VPS13D: variants seen among roughly 807,000 people sequenced by gnomAD.
The protein encoded by VPS13D is vacuolar protein sorting 13 homolog D, also known as intermembrane lipid transfer protein VPS13D.
In VPS13D, 187 loss-of-function variants were observed where a neutral mutation model predicts 461.9. That is an observed-to-expected ratio of 0.40 (90% confidence interval 0.36 to 0.46). The LOEUF is 0.46. Ranked by LOEUF, VPS13D falls within the 20% of genes least tolerant of loss-of-function variation. The pLI is 0.60. For missense variants in VPS13D, 4,711 were observed against 5,364.9 expected (o/e 0.88, Z 3.81); for synonymous variants, 1,951 against 1,986.3 (o/e 0.98, Z 0.47).
intron 65 of VPS13D, among the ~76,000 whole-genome samples, chr1:12,442,309 TTATTA>T (rs1645140946): frequency 6.6e-6 from 1 of 152,226 alleles, no homozygotes; most frequent in Admixed American, 6.5e-5. Flanking sequence ...GTCTTTGAAT[TTATTA>T]TATATTTTAT....
chr1:12,385,200 A>G, intron 58 of VPS13D, 60 bp from the exon 59 acceptor site: 2 of 1,373,700 alleles, frequency 1.5e-6, no homozygotes, highest in South Asian at 2.4e-5. Flanking sequence ...GTTCTGGGTT[A>G]GAATAGGTTT....
chr1:12,444,294 CT>C (rs1288644130), intron 65 of VPS13D, among the ~76,000 whole-genome samples: 3 of 151,828 alleles, frequency 2.0e-5, no homozygotes, highest in Non-Finnish European at 4.4e-5. Flanking sequence ...GTAATGTGTC[CT>C]TTTTTTTCTT....
intron 60 of VPS13D, among the ~76,000 whole-genome samples, chr1:12,393,827 G>T (rs904084760): frequency 2.6e-5 from 4 of 152,146 alleles, no homozygotes; most frequent in African/African-American, 9.7e-5. Flanking sequence ...TGCCAATTAT[G>T]CATTCTGGCA....
intron 57 of VPS13D, among the ~76,000 whole-genome samples, chr1:12,380,401 T>C (rs962970189): frequency 2.2e-4 from 33 of 152,252 alleles, no homozygotes; most frequent in African/African-American, 7.2e-4. Flanking sequence ...CTCTTGATTC[T>C]GTTCATTTTG....
chr1:12,382,839 T>C (rs1475114802), intron 57 of VPS13D, 137 bp from the exon 58 acceptor site: 1 of 722,550 alleles, frequency 1.4e-6, no homozygotes, highest in Non-Finnish European at 2.3e-6. Flanking sequence ...GAACAAATAG[T>C]AAAGGCTTTG....
intron 67 of VPS13D, among the ~76,000 whole-genome samples, chr1:12,493,460 G>A (rs1191051446): frequency 6.7e-6 from 1 of 149,144 alleles, no homozygotes; most frequent in Non-Finnish European, 1.5e-5. Context: ...TCCAGCCTGG[G>A]TGACAGAGCG....
In VPS13D at chr1:12,416,781, G is replaced by T; in HGVS notation, c.12287G>T (p.Gly4096Val). 6.2e-7 allele frequency: 1 copy of T among 1,613,794 alleles called. No homozygotes were observed. The highest frequency in any genetic ancestry group is 8.5e-7 in the Non-Finnish European group (1 of 1,179,916). Residue 4096 changes from glycine (G) to valine (V), a missense_variant, in exon 65 of 70, where the codon GGC (glycine) becomes GTC (valine). Gly to Val is a moderately radical substitution (Grantham distance 109, BLOSUM62 -3). Coordinates refer to ENST00000620676, the MANE Select transcript of VPS13D (RefSeq NM_015378.4). ...CTGATAAAATATGGAAATGTCGGGG[G>T]CCTCATCAGAAATGTTACACACGGA... ...TGLIKYGNVGGLIRNVTHGVS... is the reference protein window; with the variant it reads ...TGLIKYGNVGVLIRNVTHGVS...
chr1:12,258,615 C>T (rs1046345586), intron 10 of VPS13D, among the ~76,000 whole-genome samples: 6 of 152,224 alleles, frequency 3.9e-5, no homozygotes, highest in Non-Finnish European at 8.8e-5. Context: ...AATGCCCCCT[C>T]CTGGAGCCCT....
intron 60 of VPS13D, among the ~76,000 whole-genome samples, chr1:12,395,708 G>A (rs895027905): frequency 2.0e-5 from 3 of 151,914 alleles, no homozygotes; most frequent in African/African-American, 4.8e-5. Flanking sequence ...TATGTATAGA[G>A]TCACTAAAAT....
intron 27 of VPS13D, 35 bp downstream of exon 27, chr1:12,308,676 C>A (rs371641052): frequency 3.8e-6 from 6 of 1,594,354 alleles, no homozygotes; most frequent in Admixed American, 1.7e-5. Flanking sequence ...GATGGAGTCT[C>A]GCTCTGTTCA....
At chr1:12,477,040 G>A (rs1380416358) in intron 67 of VPS13D, among the ~76,000 whole-genome samples, 1 of 152,230 alleles carries the variant, frequency 6.6e-6, no homozygotes, top group Non-Finnish European at 1.5e-5. Context: ...AAAGAAGTCT[G>A]CTTCTGCCCG....
At chr1:12,504,295 A>G (rs916913483) in intron 68 of VPS13D, among the ~76,000 whole-genome samples, 7 of 152,196 alleles carry the variant, frequency 4.6e-5, no homozygotes, top group African/African-American at 1.7e-4. Flanking sequence ...GCCCAGTTCC[A>G]GCTGTGGCCT....
intron 65 of VPS13D, among the ~76,000 whole-genome samples, chr1:12,443,806 T>G (rs1018480938): frequency 3.3e-5 from 5 of 152,122 alleles, no homozygotes; most frequent in African/African-American, 9.7e-5. Context: ...AAGAACTTCC[T>G]TTTGTGGCTC....
chr1:12,405,534 C>G (rs967252455), intron 63 of VPS13D, among the ~76,000 whole-genome samples: 2 of 152,142 alleles, frequency 1.3e-5, no homozygotes, highest in African/African-American at 2.4e-5. Context: ...TGGTGGGGAC[C>G]TGGAGCAGGA....
intron 57 of VPS13D, among the ~76,000 whole-genome samples, 172 bp from the exon 58 acceptor site, chr1:12,382,801 TCTC>T (rs768797264): frequency 6.6e-6 from 1 of 152,202 alleles, no homozygotes; most frequent in African/African-American, 2.4e-5. Context: ...CTGAAGTAAT[TCTC>T]CTGTTTTTCA....
At chr1:12,264,652 A>G (rs1180191475) in intron 13 of VPS13D, among the ~76,000 whole-genome samples, 1 of 152,214 alleles carries the variant, frequency 6.6e-6, no homozygotes, top group East Asian at 1.9e-4. Flanking sequence ...TGCAGAAGAA[A>G]AGTTTGAAGC....
intron 22 of VPS13D, 133 bp downstream of exon 22, chr1:12,288,446 C>T: frequency 1.3e-6 from 1 of 752,920 alleles, no homozygotes; most frequent in Non-Finnish European, 2.3e-6. Flanking sequence ...TTAGTCTGGC[C>T]AGGATTCATG....
At chr1:12,281,580 G>T (rs1641784841) in intron 20 of VPS13D, among the ~76,000 whole-genome samples, 1 of 152,140 alleles carries the variant, frequency 6.6e-6, no homozygotes, top group South Asian at 2.1e-4. Context: ...TAGACTTCAG[G>T]TAGGTGGTGC....
At position 12,349,245 on chromosome 1, in the gene VPS13D, G is replaced by A. The variant is rs1643743754; in HGVS notation, c.9302G>A (p.Arg3101Gln). 2 of 1,614,128 alleles carry A rather than the reference G, an allele frequency of 1.2e-6. No individual in the cohort carries two copies. Among genetic ancestry groups the A allele is most frequent in the Non-Finnish European group, 1.7e-6 (2 of 1,180,026 alleles). ...CTCACTTCTTGGCGGCTACAGGCCC[G>A]GCCCAAAGGATTGGGTGTATTTTTC... ...LHLTSWRLQA[R>Q]PKGLGVFFCK... Residue 3101 changes from arginine (R) to glutamine (Q), a missense_variant, in exon 46 of 70, where the codon CGG (arginine) becomes CAG (glutamine). Coordinates refer to ENST00000620676, the MANE Select transcript of VPS13D (RefSeq NM_015378.4).
Sources: allele counts gnomAD v4.1 joint callset (sites outside exome capture counted in the v4.1 genomes callset), GRCh38; gene constraint gnomAD v4.1.1; transcripts MANE v1.5; gene names NCBI Gene and HGNC (gene_info 2026-07-23, HGNC 2026-07-21).